Variants in COL6A5 observed in about 807,000 individuals in gnomAD.
COL6A5 encodes the protein collagen alpha-5(VI) chain.
In COL6A5, 48 loss-of-function variants were observed where a neutral mutation model predicts 65.6. The observed-to-expected ratio is 0.73, with a 90% CI of 0.58 to 0.93. COL6A5 has a LOEUF of 0.93. Ranked by LOEUF, COL6A5 falls within the 40% of genes least tolerant of loss-of-function variation. The pLI is 0.00. For missense variants in COL6A5, 914 were observed against 928.3 expected (o/e 0.98, Z 0.20); for synonymous variants, 291 against 322.8 (o/e 0.90, Z 1.05).
intron 1 of COL6A5, among the ~76,000 whole-genome samples, chr3:130,437,185 G>T (rs535634683): frequency 6.6e-6 from 1 of 151,870 alleles, no homozygotes; most frequent in Non-Finnish European, 1.5e-5. Context: ...GTGTGTGTTC[G>T]TGTATACAAA....
At chr3:130,356,071 TC>T (rs1934914830) in intron 1 of COL6A5, among the ~76,000 whole-genome samples, 2 of 152,266 alleles carry the variant, frequency 1.3e-5, no homozygotes, top group East Asian at 3.9e-4. Flanking sequence ...CTTCTTTTTT[TC>T]AACCAAGATT....
chr3:130,395,921 A>G (rs1174031175), intron 8 of COL6A5, among the ~76,000 whole-genome samples: 6 of 152,026 alleles, frequency 3.9e-5, no homozygotes, highest in African/African-American at 9.7e-5. Context: ...GTGTGTGTAC[A>G]GTGTATTTTT....
At chr3:130,460,341 T>A (rs1213075080) in intron 5 of COL6A5, among the ~76,000 whole-genome samples, 3 of 152,114 alleles carry the variant, frequency 2.0e-5, no homozygotes, top group Non-Finnish European at 1.5e-5. Context: ...ATGTTTACAT[T>A]TCCTTTTGCT....
At chr3:130,357,896 T>C (rs973653080) in intron 1 of COL6A5, among the ~76,000 whole-genome samples, 1 of 152,074 alleles carries the variant, frequency 6.6e-6, no homozygotes, top group Non-Finnish European at 1.5e-5. Context: ...ACTTAAAATA[T>C]TACTATTAAC....
chr3:130,349,515 C>T (rs926764280), intron 1 of COL6A5, among the ~76,000 whole-genome samples: 2 of 152,082 alleles, frequency 1.3e-5, no homozygotes, highest in Middle Eastern at 3.2e-3. Context: ...TAGCTAATCA[C>T]CTAGGGCAGT....
intron 4 of COL6A5, among the ~76,000 whole-genome samples, chr3:130,444,733 G>A (rs939239860): frequency 7.2e-5 from 11 of 152,150 alleles, no homozygotes; most frequent in African/African-American, 2.4e-4. Context: ...AATCCAAGTC[G>A]TGGGGTTTAA....
intron 1 of COL6A5, among the ~76,000 whole-genome samples, chr3:130,349,434 A>T (rs1192245327): frequency 6.6e-6 from 1 of 152,192 alleles, no homozygotes; most frequent in Non-Finnish European, 1.5e-5. Context: ...AGAATTAGAG[A>T]TTATTATGTA....
At chr3:130,467,215 T>G (rs553465957) in intron 5 of COL6A5, among the ~76,000 whole-genome samples, 1 of 152,072 alleles carries the variant, frequency 6.6e-6, no homozygotes, top group African/African-American at 2.4e-5. Flanking sequence ...AATTGGGATA[T>G]CTGCGAATAA....
chr3:130,387,868 GT>G (rs1295230898), intron 5 of COL6A5, among the ~76,000 whole-genome samples: 2 of 151,260 alleles, frequency 1.3e-5, no homozygotes, highest in East Asian at 3.9e-4. Context: ...ATAGAAATTG[GT>G]TTTATATGTG....
At chr3:130,362,252 T>TGCTCTCTCTCTCTCTC (rs1935135834) in intron 1 of COL6A5, among the ~76,000 whole-genome samples, 1 of 114,364 alleles carries the variant, frequency 8.7e-6, no homozygotes, top group Admixed American at 9.3e-5. Context: ...TAAGGTTTCT[T>TGCTCTCTCTCTCTCTC]TCTCTCTCTC....
chr3:130,437,237 G>T (rs1396747970), intron 1 of COL6A5, among the ~76,000 whole-genome samples: 1 of 151,932 alleles, frequency 6.6e-6, no homozygotes, highest in Non-Finnish European at 1.5e-5. Context: ...GTACATATGT[G>T]CAATAAAGTA....
chr3:130,347,125 A>G (rs1344522378), intron 1 of COL6A5, among the ~76,000 whole-genome samples: 1 of 152,210 alleles, frequency 6.6e-6, no homozygotes, highest in Non-Finnish European at 1.5e-5. Context: ...TTAACTTAAA[A>G]TATGAAATCT....
At chr3:130,481,844 T>G (rs1046255719) in intron 7 of COL6A5, among the ~76,000 whole-genome samples, 2 of 152,338 alleles carry the variant, frequency 1.3e-5, no homozygotes, top group Admixed American at 1.3e-4. Context: ...ATAAATGTCT[T>G]CTTTTGAGAA....
At chr3:130,476,878 C>T (rs1421661066) in intron 7 of COL6A5, 1 of 688,758 alleles carries the variant, frequency 1.5e-6, no homozygotes, top group Non-Finnish European at 2.7e-6. Context: ...TTCTTTTTCT[C>T]ACAGATCTCT....
chr3:130,362,070 A>G (rs1935126914), intron 1 of COL6A5, among the ~76,000 whole-genome samples: 1 of 151,750 alleles, frequency 6.6e-6, no homozygotes, highest in Non-Finnish European at 1.5e-5. Flanking sequence ...AATGAAGTAC[A>G]GTTCATTAAT....
chr3:130,459,546 A>T (rs1709656622), intron 5 of COL6A5, among the ~76,000 whole-genome samples: 1 of 152,048 alleles, frequency 6.6e-6, no homozygotes. Flanking sequence ...ATTGCTAAAC[A>T]TTCTCCAGTG....
intron 5 of COL6A5, among the ~76,000 whole-genome samples, chr3:130,388,168 C>T (rs55970296): frequency 0.013 from 1,966 of 151,998 alleles, 45 homozygotes; most frequent in African/African-American, 0.045. Flanking sequence ...TGTGTTTCTC[C>T]AGAATATACA....
chr3:130,376,341 A>C (rs752567886), exon 3 of COL6A5: 50 of 1,613,794 alleles, frequency 3.1e-5, no homozygotes, highest in Non-Finnish European at 4.2e-5. Flanking sequence ...CAAAATGATC[A>C]ACAGTCTCCC....
intron 4 of COL6A5, among the ~76,000 whole-genome samples, chr3:130,445,456 G>A (rs192613021): frequency 6.6e-6 from 1 of 152,296 alleles, no homozygotes; most frequent in African/African-American, 2.4e-5. Context: ...CATGTAAGGA[G>A]GCTTAACACA....
Sources: allele counts gnomAD v4.1 joint callset (sites outside exome capture counted in the v4.1 genomes callset), GRCh38; gene constraint gnomAD v4.1.1; transcripts MANE v1.5; gene names NCBI Gene and HGNC (gene_info 2026-07-23, HGNC 2026-07-21).